Variants in TLK2 observed in about 807,000 individuals in gnomAD.
The protein encoded by TLK2 is tousled like kinase 2.
A neutral mutation model predicts 117.3 loss-of-function variants in TLK2; 6 were observed. The ratio of observed to expected loss-of-function variants is 0.05; its 90% CI spans 0.03 to 0.10. TLK2 has a LOEUF of 0.10. Among genes scored for constraint, TLK2 ranks in the 10% least tolerant of loss-of-function variants. The pLI is 1.00. For missense variants in TLK2, 299 were observed against 901.2 expected (o/e 0.33, Z 8.56); for synonymous variants, 257 against 316.7 (o/e 0.81, Z 2.00).
At chr17:62,527,659 GGT>G (rs1567854376) in intron 6 of TLK2, among the ~76,000 whole-genome samples, 1 of 151,548 alleles carries the variant, frequency 6.6e-6, no homozygotes, top group Middle Eastern at 3.4e-3. Flanking sequence ...TATTTTCATT[GGT>G]GTGTTATAAG....
chr17:62,496,029 C>T (rs2073643533), intron 2 of TLK2, among the ~76,000 whole-genome samples: 1 of 152,020 alleles, frequency 6.6e-6, no homozygotes, highest in African/African-American at 2.4e-5. Context: ...CACAGATATA[C>T]AGTGAAACAT....
At chr17:62,604,283 A>G (rs182165729) in intron 19 of TLK2, among the ~76,000 whole-genome samples, 4 of 152,270 alleles carry the variant, frequency 2.6e-5, no homozygotes, top group Non-Finnish European at 4.4e-5. Flanking sequence ...CTGGGAATAT[A>G]GGCGTGAGCC....
intron 2 of TLK2, among the ~76,000 whole-genome samples, chr17:62,497,916 G>A (rs577820019): frequency 6.6e-6 from 1 of 152,158 alleles, no homozygotes; most frequent in South Asian, 2.1e-4. Flanking sequence ...GGCTGGTCTC[G>A]AACTCCTGAC....
chr17:62,574,060 A>G (rs2080541853), intron 12 of TLK2, among the ~76,000 whole-genome samples: 1 of 152,184 alleles, frequency 6.6e-6, no homozygotes, highest in East Asian at 1.9e-4. Flanking sequence ...TTCAAGTCCA[A>G]AGATAGCTGC....
intron 2 of TLK2, among the ~76,000 whole-genome samples, chr17:62,493,399 T>G (rs1358035344): frequency 6.6e-6 from 1 of 152,214 alleles, no homozygotes; most frequent in Non-Finnish European, 1.5e-5. Flanking sequence ...TCGGGTTACT[T>G]TTACCATTTG....
chr17:62,550,582 A>C (rs1210792548), intron 7 of TLK2: 1 of 152,208 alleles, frequency 6.6e-6, no homozygotes, highest in African/African-American at 2.4e-5. Context: ...TGTATACATT[A>C]AAATGGCGTT....
intron 8 of TLK2, among the ~76,000 whole-genome samples, chr17:62,552,662 CTTT>C (rs77695614): frequency 2.2e-5 from 3 of 139,222 alleles, no homozygotes; most frequent in Admixed American, 7.2e-5. Flanking sequence ...AACTGCACAC[CTTT>C]TTTTTTTTTT....
chr17:62,549,398 CAAAAAAAAAAAAAAAAAAAAAAAAAAA>C (rs777779302), intron 7 of TLK2, among the ~76,000 whole-genome samples: 1 of 37,124 alleles, frequency 2.7e-5, no homozygotes, highest in Non-Finnish European at 5.1e-5. Flanking sequence ...GACTCCATCT[CAAAAAAAAAAAAAAAAAAAAAAAAAAA>C]AAAAAAAAAA....
chr17:62,485,623 C>A (rs1203622576), intron 2 of TLK2, among the ~76,000 whole-genome samples: 3 of 152,040 alleles, frequency 2.0e-5, no homozygotes, highest in African/African-American at 7.2e-5. Flanking sequence ...CTTTGGGATG[C>A]ACTATTTGGT....
chr17:62,527,630 G>T (rs1357443054), intron 6 of TLK2, among the ~76,000 whole-genome samples: 13 of 151,956 alleles, frequency 8.6e-5, no homozygotes, highest in South Asian at 8.3e-4. Context: ...CCATTTCATT[G>T]TGTATTTTAT....
intron 15 of TLK2, among the ~76,000 whole-genome samples, chr17:62,581,362 A>G (rs1048432235): frequency 3.9e-5 from 6 of 152,016 alleles, no homozygotes; most frequent in Non-Finnish European, 8.8e-5. Context: ...TGCGACTGAC[A>G]TCACTACATC....
At chr17:62,601,939 C>G (rs1194767883) in intron 18 of TLK2, 103 bp from the exon 19 acceptor site, 6 of 1,045,834 alleles carry the variant, frequency 5.7e-6, no homozygotes, top group Non-Finnish European at 6.8e-6. Flanking sequence ...TTTGCTTTTG[C>G]AAGAGTTTGA....
rs780493365 is a variant in TLK2 at position 62,524,330 on chromosome 17, C to T, written c.362C>T (p.Pro121Leu). The T allele has an allele frequency of 3.1e-6, 5 of 1,610,572 alleles. No individual in the cohort carries two copies. Among genetic ancestry groups the T allele is most frequent in the African/African-American group, 1.3e-5 (1 of 74,750 alleles). ...CAACATTCCTTATCCAATCCCTTACCGGTAAGCATTCACCTGGAGAAATTT... is the reference window on the plus strand; with the variant it reads ...CAACATTCCTTATCCAATCCCTTACTGGTAAGCATTCACCTGGAGAAATTT... ...SPQHSLSNPLPRRVEQPLYGL... is the reference protein window; with the variant it reads ...SPQHSLSNPLLRRVEQPLYGL... Residue 121 changes from proline to leucine, a missense_variant and splice_region_variant, in exon 6 of 22, where the codon CCG (proline) becomes CTG (leucine). Pro to Leu is a moderately conservative substitution (Grantham distance 98). This residue lies in a region of TLK2 where 105 missense variants were observed against 218.4 expected (regional missense o/e 0.48). Coordinates refer to ENST00000346027, the MANE Select transcript of TLK2 (RefSeq NM_006852.6).
intron 2 of TLK2, among the ~76,000 whole-genome samples, chr17:62,519,387 A>G (rs2075868808): frequency 6.6e-6 from 1 of 152,140 alleles, no homozygotes; most frequent in Admixed American, 6.5e-5. Flanking sequence ...ATCTAACCTT[A>G]TGCTAGTACT....
At chr17:62,564,269 G>T (rs1475656191) in intron 10 of TLK2, among the ~76,000 whole-genome samples, 1 of 152,014 alleles carries the variant, frequency 6.6e-6, no homozygotes, top group Non-Finnish European at 1.5e-5. Flanking sequence ...CGGGTGTGGT[G>T]GCTCACGCCT....
chr17:62,585,318 C>T (rs539891281), intron 15 of TLK2, among the ~76,000 whole-genome samples: 10 of 152,314 alleles, frequency 6.6e-5, no homozygotes, highest in Middle Eastern at 6.8e-3. Context: ...CGAAGCGGGG[C>T]GGATCGCCTG....
chr17:62,549,420 A>AAAAAGT (rs2078245544), intron 7 of TLK2, among the ~76,000 whole-genome samples: 2 of 7,470 alleles, frequency 2.7e-4, no homozygotes, highest in African/African-American at 3.4e-4. Context: ...AAAAAAAAAA[A>AAAAAGT]AAAAAAAAAA....
intron 2 of TLK2, among the ~76,000 whole-genome samples, chr17:62,487,620 C>CTTTTTT (rs71155932): frequency 6.7e-5 from 7 of 104,308 alleles, no homozygotes; most frequent in South Asian, 3.2e-4. Context: ...TGGCAAGTAT[C>CTTTTTT]TTTTTTTTTT....
intron 2 of TLK2, among the ~76,000 whole-genome samples, chr17:62,493,258 A>G (rs1175043830): frequency 6.6e-6 from 1 of 152,240 alleles, no homozygotes; most frequent in Non-Finnish European, 1.5e-5. Context: ...TTCACTTAGC[A>G]TAGTATCTTC....
Sources: allele counts gnomAD v4.1 joint callset (sites outside exome capture counted in the v4.1 genomes callset), GRCh38; gene constraint gnomAD v4.1.1; regional missense constraint gnomAD v4.1.1; transcripts MANE v1.5; gene names NCBI Gene and HGNC (gene_info 2026-07-23, HGNC 2026-07-21).